Variants in SLC26A7 observed in about 807,000 individuals in gnomAD.
SLC26A7 encodes the protein anion exchange transporter.
In SLC26A7, 59 loss-of-function variants were observed where a neutral mutation model predicts 82.5. That is an observed-to-expected ratio of 0.72 (90% CI 0.58 to 0.89). The LOEUF is 0.89. Ranked by LOEUF, SLC26A7 falls within the 40% of genes least tolerant of loss-of-function variation. The pLI, the probability that SLC26A7 is intolerant of heterozygous loss-of-function variation, is 0.00. For missense variants in SLC26A7, 820 were observed against 793.0 expected, an observed-to-expected ratio of 1.03 and a Z score of -0.41; for synonymous variants, 271 against 274.3, an observed-to-expected ratio of 0.99 and a Z score of 0.12.
intron 4 of SLC26A7, among the ~76,000 whole-genome samples, chr8:91,317,529 G>A (rs572954979): frequency 5.2e-4 from 79 of 152,178 alleles, no homozygotes; most frequent in African/African-American, 1.8e-3. Context: ...CAAGGTCATC[G>A]CCAAGGTATG....
At chr8:91,210,254 A>G (rs977978435) in intron 1 of SLC26A7, among the ~76,000 whole-genome samples, 1 of 152,164 alleles carries the variant, frequency 6.6e-6, no homozygotes, top group South Asian at 2.1e-4. Flanking sequence ...AAATCTATCA[A>G]ATAATAGAAT....
At chr8:91,309,753 G>A (rs1812425794) in intron 4 of SLC26A7, among the ~76,000 whole-genome samples, 1 of 152,244 alleles carries the variant, frequency 6.6e-6, no homozygotes, top group East Asian at 1.9e-4. Context: ...TTGACTTGGG[G>A]TTTTATATGC....
At chr8:91,246,687 C>T (rs796198083), upstream of SLC26A7, among the ~76,000 whole-genome samples, 31 of 139,634 alleles carry the variant, frequency 2.2e-4, no homozygotes, top group African/African-American at 9.2e-4. Flanking sequence ...GAGTTAAGAG[C>T]GAGACTCTGT....
At chr8:91,223,458 G>T (rs1298099730) in intron 2 of SLC26A7, among the ~76,000 whole-genome samples, 1 of 152,154 alleles carries the variant, frequency 6.6e-6, no homozygotes, top group African/African-American at 2.4e-5. Context: ...GCTTTCTGGT[G>T]TGGGCATTTA....
chr8:91,369,622 C>T (rs763356365), intron 14 of SLC26A7, among the ~76,000 whole-genome samples, 163 bp from the exon 15 acceptor site: 4 of 151,982 alleles, frequency 2.6e-5, no homozygotes, highest in Admixed American at 1.3e-4. Flanking sequence ...TTTATTATTT[C>T]ATAGTTTGTT....
chr8:91,233,263 C>G (rs541822331), intron 2 of SLC26A7, among the ~76,000 whole-genome samples: 5 of 152,222 alleles, frequency 3.3e-5, no homozygotes, highest in African/African-American at 1.2e-4. Context: ...GACAGCTTTT[C>G]CCTTAGAAAA....
chr8:91,383,023 T>C (rs1386561189), intron 15 of SLC26A7, among the ~76,000 whole-genome samples: 1 of 152,040 alleles, frequency 6.6e-6, no homozygotes, highest in Non-Finnish European at 1.5e-5. Context: ...GCTATATACA[T>C]GAAAGGGGAT....
intron 5 of SLC26A7, among the ~76,000 whole-genome samples, 195 bp downstream of exon 5, chr8:91,318,575 A>T (rs1219927639): frequency 6.6e-6 from 1 of 152,132 alleles, no homozygotes; most frequent in African/African-American, 2.4e-5. Flanking sequence ...TTTGGAAATG[A>T]TTCCTTGTAA....
chr8:91,274,462 G>GAA (rs745884014), intron 2 of SLC26A7, among the ~76,000 whole-genome samples: 6 of 152,144 alleles, frequency 3.9e-5, no homozygotes, highest in Admixed American at 6.5e-5. Context: ...GAGAGAGAGA[G>GAA]AAACAGAGAG....
chr8:91,392,576 G>A (rs1479011043), intron 16 of SLC26A7, among the ~76,000 whole-genome samples: 1 of 152,150 alleles, frequency 6.6e-6, no homozygotes, highest in Non-Finnish European at 1.5e-5. Flanking sequence ...AGCCACCATG[G>A]AAGAAGGTTC....
chr8:91,389,422 T>G lies in SLC26A7; in HGVS notation c.1760T>G (p.Val587Gly), dbSNP rs1395754096. 6.2e-7 allele frequency: 1 copy of G among 1,612,282 alleles called. No homozygotes were observed. Among genetic ancestry groups the G allele is most frequent in the Non-Finnish European group, 8.5e-7 (1 of 1,178,360 alleles). ...SGFTFFDYSG[V>G]SMLVEVYMDC... ...TTTACCTTTTTTGACTATTCTGGAG[T>G]CTCCATGCTTGTTGAGGTATTTATG... Residue 587 changes from valine (V) to glycine (G), a missense_variant, in exon 16 of 19, where the codon GTC (valine) becomes GGC (glycine). By Grantham distance (109) the Val-to-Gly change is moderately radical (BLOSUM62 -3). Transcript: ENST00000276609.
intron 3 of SLC26A7, among the ~76,000 whole-genome samples, chr8:91,293,729 T>C (rs557071600): frequency 6.6e-6 from 1 of 152,334 alleles, no homozygotes; most frequent in South Asian, 2.1e-4. Flanking sequence ...AACTCATCTA[T>C]ATGTTTTTAA....
intron 2 of SLC26A7, among the ~76,000 whole-genome samples, chr8:91,264,434 G>C (rs1036751180): frequency 6.6e-6 from 1 of 151,870 alleles, no homozygotes. Context: ...AAACAAAATA[G>C]GAACTTCATG....
chr8:91,279,126 T>TATATATAC (rs1491364919), intron 2 of SLC26A7, among the ~76,000 whole-genome samples: 1 of 3,020 alleles, frequency 3.3e-4, no homozygotes, highest in East Asian at 0.025. Flanking sequence ...TGTGTGTGTG[T>TATATATAC]ATATATATAT....
At chr8:91,258,568 A>G (rs1184344781) in intron 2 of SLC26A7, among the ~76,000 whole-genome samples, 2 of 152,126 alleles carry the variant, frequency 1.3e-5, no homozygotes, top group Non-Finnish European at 2.9e-5. Context: ...TGACAGTACT[A>G]GATACAACCA....
intron 2 of SLC26A7, among the ~76,000 whole-genome samples, chr8:91,264,097 G>T (rs144368595): frequency 3.3e-5 from 5 of 151,978 alleles, no homozygotes; most frequent in African/African-American, 4.8e-5. Flanking sequence ...TACCTCTAAG[G>T]CTGGTCCAGA....
intron 5 of SLC26A7, among the ~76,000 whole-genome samples, chr8:91,321,329 G>A (rs995375068): frequency 1.3e-5 from 2 of 152,202 alleles, no homozygotes; most frequent in Non-Finnish European, 2.9e-5. Context: ...TAGGCTTGAG[G>A]GATAGACATG....
intron 3 of SLC26A7, among the ~76,000 whole-genome samples, chr8:91,290,802 A>G (rs534560331): frequency 1.3e-5 from 2 of 152,346 alleles, no homozygotes; most frequent in African/African-American, 4.8e-5. Context: ...TTCTGTTAAC[A>G]TAACATTTTA....
chr8:91,220,730 A>C (rs901582008), intron 2 of SLC26A7, among the ~76,000 whole-genome samples: 1 of 151,894 alleles, frequency 6.6e-6, no homozygotes, highest in African/African-American at 2.4e-5. Context: ...TATGTACCAT[A>C]TTTTCTTTAT....
Sources: gnomAD v4.1 joint callset for allele counts (sites outside exome capture counted in the v4.1 genomes callset) on GRCh38, gnomAD v4.1.1 for gene constraint, MANE v1.5 for transcripts, NCBI Gene and HGNC (gene_info 2026-07-23, HGNC 2026-07-21) for gene names.